The following DOCK10 variants were observed in gnomAD, a reference collection of about 807,000 sequenced individuals.
The protein encoded by DOCK10 is dedicator of cytokinesis 10, also known as dedicator of cytokinesis protein 10.
Under a neutral mutation model 280.1 loss-of-function variants are expected in DOCK10, and 145 were observed. That is an observed-to-expected ratio of 0.52 (90% confidence interval 0.45 to 0.59). The LOEUF is 0.59. Among genes scored for constraint, DOCK10 ranks in the 20% least tolerant of loss-of-function variants. The pLI is 0.00. For missense variants in DOCK10, 2,368 were observed against 2,651.7 expected (o/e 0.89, Z 2.35); for synonymous variants, 915 against 942.2 (o/e 0.97, Z 0.53).
At chr2:224,826,956 C>T (rs1342638074) in intron 27 of DOCK10, among the ~76,000 whole-genome samples, 1 of 151,072 alleles carries the variant, frequency 6.6e-6, no homozygotes, top group Non-Finnish European at 1.5e-5. Flanking sequence ...GGAGTGAGAC[C>T]GTGTATCAAG....
intron 1 of DOCK10, among the ~76,000 whole-genome samples, chr2:225,029,548 G>A (rs974973347): frequency 2.0e-5 from 3 of 152,162 alleles, no homozygotes; most frequent in Admixed American, 2.0e-4. Context: ...ATGTAGCACA[G>A]TTTTTCTTTT....
At chr2:224,789,832 G>GT (rs1692026947) in intron 47 of DOCK10, among the ~76,000 whole-genome samples, 1 of 151,898 alleles carries the variant, frequency 6.6e-6, no homozygotes, top group Non-Finnish European at 1.5e-5. Flanking sequence ...CCAGGCTGGA[G>GT]TGCAATGGTG....
At chr2:224,801,558 T>C (rs1693015969) in intron 40 of DOCK10, among the ~76,000 whole-genome samples, 1 of 152,158 alleles carries the variant, frequency 6.6e-6, no homozygotes, top group Non-Finnish European at 1.5e-5. Context: ...TGTGCATCTC[T>C]AAGTTCAAGA....
chr2:224,886,093 G>A lies in DOCK10; in HGVS notation c.582C>T (p.Asn194=). The change falls in exon 6 of 56, where the codon AAC becomes AAT. Residue 194 remains asparagine, a synonymous_variant. Coordinates refer to ENST00000258390, the MANE Select transcript of DOCK10 (RefSeq NM_014689.3). Reference sequence around the variant, plus strand: ...CAGTAACGGTGTTGTTCACGGTGCTGTTAAAATTCCCCTTGTAGAGCCAGC... The same window carrying A: ...CAGTAACGGTGTTGTTCACGGTGCTATTAAAATTCCCCTTGTAGAGCCAGC... ...KSGWLYKGNF[N]STVNNTVTVR... is the part of the protein sequence containing the mutation. 1 of 1,613,812 alleles carries A rather than the reference G, an allele frequency of 6.2e-7. No homozygotes were observed.
chr2:224,930,534 C>T (rs995463392), intron 2 of DOCK10, among the ~76,000 whole-genome samples: 5 of 151,626 alleles, frequency 3.3e-5, no homozygotes, highest in African/African-American at 7.3e-5. Flanking sequence ...CATTAACTTC[C>T]ATATACCTTC....
chr2:224,804,449 G>GTT (rs80246998), intron 38 of DOCK10, among the ~76,000 whole-genome samples: 2 of 138,236 alleles, frequency 1.4e-5, no homozygotes, highest in Non-Finnish European at 3.2e-5. Flanking sequence ...CAGATTACTT[G>GTT]TTTTTTTTTT....
chr2:224,918,602 CGTGTGTATGTGGGGT>C (rs1701476401), intron 2 of DOCK10, among the ~76,000 whole-genome samples: 1 of 132,932 alleles, frequency 7.5e-6, no homozygotes, highest in Non-Finnish European at 1.6e-5. Flanking sequence ...GTGTGTGGTG[CGTGTGTATGTGGGGT>C]GTGTGTATGT....
intron 42 of DOCK10, 75 bp from the exon 43 acceptor site, chr2:224,797,221 T>A: frequency 8.5e-7 from 1 of 1,174,902 alleles, no homozygotes; most frequent in Non-Finnish European, 1.1e-6. Context: ...ATTTTAAAAT[T>A]CCCTAAAACA....
chr2:224,766,355 T>C (rs763283541), intron 55 of DOCK10, among the ~76,000 whole-genome samples: 1 of 152,210 alleles, frequency 6.6e-6, no homozygotes, highest in Non-Finnish European at 1.5e-5. Context: ...TTTTAAAATA[T>C]ATTTTTGTAC....
intron 4 of DOCK10, among the ~76,000 whole-genome samples, chr2:224,888,265 C>T (rs1699428608): frequency 1.3e-5 from 2 of 149,630 alleles, no homozygotes; most frequent in South Asian, 4.2e-4. Context: ...CTAGCATTCT[C>T]TTATCTATTC....
At chr2:224,980,712 G>A (rs1705700419) in intron 1 of DOCK10, among the ~76,000 whole-genome samples, 13 of 152,162 alleles carry the variant, frequency 8.5e-5, no homozygotes, top group Admixed American at 7.2e-4. Context: ...GAACAGACTG[G>A]AAAATACACT....
intron 19 of DOCK10, 95 bp from the exon 20 acceptor site, chr2:224,845,737 T>A: frequency 8.1e-7 from 1 of 1,241,924 alleles, no homozygotes; most frequent in South Asian, 1.5e-5. Context: ...ATCTTTTTTT[T>A]TTTTGAGACT....
At chr2:224,875,310 G>C (rs1369609885) in intron 8 of DOCK10, among the ~76,000 whole-genome samples, 4 of 152,160 alleles carry the variant, frequency 2.6e-5, no homozygotes, top group Non-Finnish European at 4.4e-5. Context: ...CTGAGACTTA[G>C]ACTAGGGGAA....
Position 225,008,006 on chromosome 2 carries a change from G to A in DOCK10, c.123+34246C>T, listed in dbSNP as rs148149824. On this transcript the variant is annotated intron_variant, in intron 1 of 55. Coordinates refer to ENST00000258390, the MANE Select transcript of DOCK10 (RefSeq NM_014689.3). ...AAATAAAAGTAAAGTGACTTTCCAC[G>A]CATAGCAGATCCAATATGCTCAAAT... Among the ~76,000 whole-genome samples, 596 of 151,872 alleles carry A rather than the reference G, an allele frequency of 3.9e-3. 5 individuals are homozygous for A. Among genetic ancestry groups the A allele is most frequent in the African/African-American group, 0.014 (575 of 41,408 alleles).
intron 3 of DOCK10, among the ~76,000 whole-genome samples, chr2:224,905,994 T>C (rs1341016028): frequency 2.0e-5 from 3 of 152,146 alleles, no homozygotes; most frequent in African/African-American, 7.2e-5. Context: ...TGTATTTATC[T>C]TCTTCTTGGA....
intron 19 of DOCK10, among the ~76,000 whole-genome samples, chr2:224,846,747 G>A (rs769325992): frequency 6.7e-4 from 102 of 151,976 alleles, no homozygotes; most frequent in Non-Finnish European, 1.3e-4. Flanking sequence ...CACCCGTCTC[G>A]GCCTCCCGAA....
In DOCK10 at chr2:224,765,822, C is replaced by G; in HGVS notation, c.6460G>C (p.Asp2154His). The stretch of plus-strand genomic sequence containing the variant: ...TGGTCCACTCCGCGCTTTGACAGGT[C>G]GTCCCTGCCCGTAATCTTAAAACAG... ...VMNEQITGRD[D>H]LSKRGVDQTC... The change falls in exon 56 of 56, where the codon GAC becomes CAC. Residue 2154 changes from aspartate to histidine, a missense_variant. Physicochemically the swap from Asp to His is moderately conservative, Grantham distance 81. Coordinates refer to ENST00000258390, the MANE Select transcript of DOCK10 (RefSeq NM_014689.3). 1 of 1,613,432 alleles carries G rather than the reference C, an allele frequency of 6.2e-7. No homozygotes were observed. The highest frequency in any genetic ancestry group is 8.5e-7 in the Non-Finnish European group (1 of 1,179,696).
intron 1 of DOCK10, among the ~76,000 whole-genome samples, chr2:224,936,459 T>C (rs958218845): frequency 6.6e-6 from 1 of 152,138 alleles, no homozygotes; most frequent in Non-Finnish European, 1.5e-5. Context: ...AATACCCATA[T>C]GTCTAAGGGA....
At chr2:224,931,762 C>T (rs1702395320) in intron 1 of DOCK10, 94 bp from the exon 2 acceptor site, 12 of 1,360,214 alleles carry the variant, frequency 8.8e-6, no homozygotes, top group Non-Finnish European at 1.2e-5. Flanking sequence ...ATCATTGAGG[C>T]TTTAACACTG....
Sources: gnomAD v4.1 joint callset for allele counts (sites outside exome capture counted in the v4.1 genomes callset) on GRCh38, gnomAD v4.1.1 for gene constraint, MANE v1.5 for transcripts, NCBI Gene and HGNC (gene_info 2026-07-23, HGNC 2026-07-21) for gene names.